AGAP2: variants seen among roughly 807,000 people sequenced by gnomAD.
AGAP2 encodes the protein arf-GAP with GTPase, ANK repeat and PH domain-containing protein 2.
In AGAP2, 32 loss-of-function variants were observed where a neutral mutation model predicts 110.9. The observed-to-expected ratio is 0.29, with a 90% CI of 0.22 to 0.39. The LOEUF (loss-of-function observed/expected upper bound fraction) is 0.39. AGAP2 is among the 10% of genes least tolerant of loss of function. The probability of loss-of-function intolerance (pLI) is 1.00; values close to 1 mark genes in which losing one functional copy is unlikely to be tolerated. For missense variants in AGAP2, 1,285 were observed against 1,638.5 expected, an observed-to-expected ratio of 0.78 and a Z score of 3.72; for synonymous variants, 702 against 713.0, an observed-to-expected ratio of 0.98 and a Z score of 0.25.
At position 57,726,292 on chromosome 12, in the gene AGAP2, G is replaced by T; in HGVS notation, c.*260C>A. ...ACCTCCCCTTCCGCGAACCCCGAGC[G>T]GGTAGACCCAGAGCAATCCGAGTGT... On this transcript the variant is annotated 3_prime_UTR_variant, in exon 19 of 19. Transcript: ENST00000547588. The surrounding 1 kb of genome is among the most constrained non-coding windows in gnomAD (Gnocchi z 5.7). 4.0e-6 allele frequency: 1 copy of T among 247,316 alleles called. No individual in the cohort carries two copies. Among genetic ancestry groups the T allele is most frequent in the East Asian group, 8.3e-5 (1 of 12,044 alleles). The allele number at this position is 247,316 out of a possible 1,614,324, so 15.3% of individuals were successfully genotyped here.
rs1565790868 is a variant in AGAP2 at position 57,727,775 on chromosome 12, C to CA, written c.2767-5dup. 3.2e-6 allele frequency: 5 copies of CA among 1,576,628 alleles called. No individual in the cohort carries two copies. In the African/African-American group the frequency reaches 6.7e-5, roughly 21 times the overall value. Reference sequence around the variant, plus strand: ...CGCTTTGGCTGTCTGTGCGCAGCTGCAGAGAGGGTTTGGGTTGGCACTGAC... The same window carrying CA: ...CGCTTTGGCTGTCTGTGCGCAGCTGCAAGAGAGGGTTTGGGTTGGCACTGAC... On this transcript the variant is annotated splice_region_variant and splice_polypyrimidine_tract_variant and intron_variant, in intron 15 of 18. Coordinates refer to ENST00000547588, the MANE Select transcript of AGAP2 (RefSeq NM_001122772.3).
Position 57,732,846 on chromosome 12 carries a change from C to T in AGAP2, c.1683G>A (p.Glu561=). ...YGLNVDRVFQ[E]VAQKVVTLRK... ...TATGCTGGAGATCACTACACTCACC[C>T]TCCTGGAAGACCCGATCCACATTGA... The change falls in exon 6 of 19, where the codon GAG becomes GAA. Residue 561 remains glutamate (E), a splice_region_variant and synonymous_variant. Transcript: ENST00000547588. The T allele has an allele frequency of 1.2e-6, 2 of 1,613,932 alleles. No homozygotes were observed. The highest frequency in any genetic ancestry group is 1.7e-6 in the Non-Finnish European group (2 of 1,180,020).
upstream of AGAP2, among the ~76,000 whole-genome samples, chr12:57,740,218 G>GA (rs1595099100): frequency 1.3e-5 from 2 of 152,060 alleles, no homozygotes; most frequent in East Asian, 3.9e-4. Flanking sequence ...GGGGCTGAGG[G>GA]TGGGGGGGCT....
rs1954892907 is a variant in AGAP2 at position 57,731,883 on chromosome 12, C to G, written c.1879G>C (p.Ala627Pro). The part of the protein sequence containing the change: ...NVGHRELRAE[A>P]AAVAGLSTPG... ...GTGCTCAATCCAGCCACTGCAGCTG[C>G]CTCGGCTCGGAGCTCCCGGTGACCA... Residue 627 changes from alanine (A) to proline (P), a missense_variant, in exon 8 of 19, where the codon GCA becomes CCA. Ala to Pro is a conservative substitution (Grantham distance 27). Around this residue, in one of 7 missense-constraint regions of AGAP2, gnomAD observed 844 missense variants for 941.2 expected, o/e 0.90. Coordinates refer to ENST00000547588, the MANE Select transcript of AGAP2 (RefSeq NM_001122772.3). 1 of 1,611,390 alleles carries G rather than the reference C, an allele frequency of 6.2e-7. No individual in the cohort carries two copies. Among genetic ancestry groups the G allele is most frequent in the African/African-American group, 1.3e-5 (1 of 75,006 alleles).
chr12:57,738,609 G>C lies in AGAP2; in HGVS notation c.-363C>G, dbSNP rs981563396. On this transcript the variant is annotated 5_prime_UTR_variant, in exon 1 of 19. Coordinates refer to ENST00000547588, the MANE Select transcript of AGAP2 (RefSeq NM_001122772.3). The surrounding 1 kb of genome is among the most constrained non-coding windows in gnomAD (Gnocchi z 6.7). The stretch of plus-strand genomic sequence containing the variant: ...GCAAATGGGGGAGAGAGAGGAAAAG[G>C]GAGCAGAAAAGGGGACCGGAGGCTA... Among the ~76,000 whole-genome samples the C allele has an allele frequency of 6.6e-6, 1 of 151,914 alleles. No individual in the cohort carries two copies. The highest frequency in any genetic ancestry group is 1.9e-4 in the East Asian group (1 of 5,166).
intron 15 of AGAP2, 73 bp downstream of exon 15, chr12:57,727,864 T>C (rs1954803495): frequency 6.2e-7 from 1 of 1,604,130 alleles, no homozygotes; most frequent in South Asian, 1.1e-5. Flanking sequence ...ACTTCGGCCG[T>C]GTCGTTGCCA....
At chr12:57,741,190 G>C (rs978591692), upstream of AGAP2, among the ~76,000 whole-genome samples, 2 of 152,194 alleles carry the variant, frequency 1.3e-5, no homozygotes, top group Admixed American at 6.5e-5. Flanking sequence ...ACTGAAGCCT[G>C]GGGTGGGCAG....
intron 2 of AGAP2, among the ~76,000 whole-genome samples, chr12:57,735,069 T>A (rs923105267): frequency 2.3e-4 from 35 of 151,048 alleles, no homozygotes; most frequent in African/African-American, 8.5e-4. Flanking sequence ...CTTTACCCAA[T>A]TCTAGGCAGT....
Position 57,726,693 on chromosome 12 carries a change from G to C in AGAP2, c.3438C>G (p.His1146Gln). The change falls in exon 19 of 19, where the codon CAC (histidine) becomes CAG (glutamine). Residue 1146 changes from histidine to glutamine, a missense_variant. Physicochemically the swap from His to Gln is conservative, Grantham distance 24. Coordinates refer to ENST00000547588, the MANE Select transcript of AGAP2 (RefSeq NM_001122772.3). The surrounding 1 kb of genome is among the most constrained non-coding windows in gnomAD (Gnocchi z 5.7). ...SQLCADILLQ[H>Q]GCPGEGGSAA... Reference sequence around the variant, plus strand: ...CGCTGCCGCCCTCACCCGGGCAGCCGTGCTGGAGAAGGATGTCGGCGCACA... The same window carrying C: ...CGCTGCCGCCCTCACCCGGGCAGCCCTGCTGGAGAAGGATGTCGGCGCACA... 8.1e-7 allele frequency: 1 copy of C among 1,238,758 alleles called. No homozygotes were observed. Among genetic ancestry groups the C allele is most frequent in the Non-Finnish European group, 1.0e-6 (1 of 990,252 alleles). The allele number at this position is 1,238,758 out of a possible 1,614,324, so 76.7% of individuals were successfully genotyped here.
At chr12:57,730,707 A>T in intron 11 of AGAP2, 84 bp downstream of exon 11, 1 of 1,607,360 alleles carries the variant, frequency 6.2e-7, no homozygotes, top group Non-Finnish European at 8.5e-7. Context: ...CTACTCGCCC[A>T]GTGCCAGCCC....
Position 57,726,510 on chromosome 12 carries a change from C to T in AGAP2, c.*42G>A, listed in dbSNP as rs760347601. 23 of 1,195,568 alleles carry T rather than the reference C, an allele frequency of 1.9e-5. No individual in the cohort carries two copies. Among genetic ancestry groups the T allele is most frequent in the Non-Finnish European group, 1.9e-5 (18 of 963,394 alleles). 74.1% of individuals were successfully genotyped at this position (1,195,568 alleles called of 1,614,324 possible). ...CAGCGGTCCGCCCGGTGTGGTCGTG[C>T]CCGGCCCGCGTGGGGATGGGGGTGT... On this transcript the variant is annotated 3_prime_UTR_variant, in exon 19 of 19. Transcript: ENST00000547588. This position sits in a 1 kb window ranked among gnomAD's most constrained non-coding sequence, Gnocchi z 5.7.
Position 57,733,725 on chromosome 12 carries a change from G to A in AGAP2, c.1549+301C>T, listed in dbSNP as rs559518134. ...CTTGAGATTTTCTGTGTCCTAGGAT[G>A]GTGGCACTAGGAAATGGCAGTGTCA... On this transcript the variant is annotated intron_variant, in intron 5 of 18. Coordinates refer to ENST00000547588, the MANE Select transcript of AGAP2 (RefSeq NM_001122772.3). Among the ~76,000 whole-genome samples the A allele has an allele frequency of 2.6e-5, 4 of 152,324 alleles. No homozygotes were observed. In the East Asian group the frequency reaches 7.7e-4, roughly 29 times the overall value.
chr12:57,731,073 G>A, intron 10 of AGAP2, 120 bp from the exon 11 acceptor site: 2 of 1,071,156 alleles, frequency 1.9e-6, no homozygotes, highest in East Asian at 2.6e-5. Context: ...CAAATGGGTT[G>A]TGATGAACAT....
At chr12:57,728,441 A>C (rs1954817676) in intron 13 of AGAP2, 64 bp from the exon 14 acceptor site, 3 of 1,534,650 alleles carry the variant, frequency 2.0e-6, no homozygotes, top group South Asian at 2.3e-5. Context: ...AGAGAGACCA[A>C]GAAAGAAGGA....
At chr12:57,728,179 C>A in intron 14 of AGAP2, 94 bp from the exon 15 acceptor site, 1 of 1,530,842 alleles carries the variant, frequency 6.5e-7, no homozygotes, top group Admixed American at 2.0e-5. Flanking sequence ...ATCCCGAGCC[C>A]CTGGGAGTGG....
rs954922715 is a variant in AGAP2 at position 57,734,505 on chromosome 12, C to T, written c.1315+87G>A. 14 of 1,589,122 alleles carry T rather than the reference C, an allele frequency of 8.8e-6. No homozygotes were observed. In the East Asian group the frequency reaches 1.6e-4, roughly 18 times the overall value. ...TGCTATTATGGCCTCATCCTTCCCCCCTGGTCTCCACACCTGCCTAATCAT... is the reference window on the plus strand; with the variant it reads ...TGCTATTATGGCCTCATCCTTCCCCTCTGGTCTCCACACCTGCCTAATCAT... On this transcript the variant is annotated intron_variant, in intron 3 of 18. Transcript: ENST00000547588.
At chr12:57,728,251 G>A (rs1954812270) in intron 14 of AGAP2, 67 bp downstream of exon 14, 1 of 1,575,594 alleles carries the variant, frequency 6.3e-7, no homozygotes, top group Admixed American at 1.7e-5. Context: ...ACATGCAGGG[G>A]AAGGCGGGGG....
rs1450649084 is a variant in AGAP2 at position 57,728,047 on chromosome 12, G to C, written c.2656C>G (p.Gln886Glu). The C allele has an allele frequency of 1.9e-6, 3 of 1,610,928 alleles. No homozygotes were observed. The highest frequency in any genetic ancestry group is 2.7e-5 in the African/African-American group (2 of 74,932). ...FEFLIVSSTG[Q>E]TWHFEAASFE... The stretch of plus-strand genomic sequence containing the variant: ...CTGGCTGCCTCAAAGTGCCACGTCT[G>C]ACCCGTGCTGGACACGATCAGGAAC... Residue 886 changes from glutamine (Q) to glutamate (E), a missense_variant, in exon 15 of 19, where the codon CAG (glutamine) becomes GAG (glutamate). Around this residue, in one of 7 missense-constraint regions of AGAP2, gnomAD observed 25 missense variants for 67.5 expected, o/e 0.37. Coordinates refer to ENST00000547588, the MANE Select transcript of AGAP2 (RefSeq NM_001122772.3).
Position 57,727,449 on chromosome 12 carries a change from C to T in AGAP2, c.2991G>A (p.Leu997=), listed in dbSNP as rs201496487. Reference sequence around the variant, plus strand: ...TGTCGTTGCCAATAGCCGTCAGCACCAGGGTCAGCTCCCGTGGCCAGTCGT... The same window carrying T: ...TGTCGTTGCCAATAGCCGTCAGCACTAGGGTCAGCTCCCGTGGCCAGTCGT... ...DLDDWPRELT[L]VLTAIGNDTA... is the part of the protein sequence containing the mutation. The change falls in exon 17 of 19, where the codon CTG becomes CTA. Residue 997 remains leucine, a synonymous_variant. Coordinates refer to ENST00000547588, the MANE Select transcript of AGAP2 (RefSeq NM_001122772.3). The T allele has an allele frequency of 1.1e-5, 17 of 1,613,802 alleles. No homozygotes were observed. In the East Asian group the frequency reaches 2.7e-4, roughly 25 times the overall value.
Sources: gnomAD v4.1 joint callset for allele counts (sites outside exome capture counted in the v4.1 genomes callset) on GRCh38, gnomAD v4.1.1 for gene constraint, gnomAD v4.1.1 regional missense constraint, Gnocchi (gnomAD v3.1) non-coding constraint, MANE v1.5 for transcripts, NCBI Gene and HGNC (gene_info 2026-07-23, HGNC 2026-07-21) for gene names.